Variants in SORD observed in about 807,000 individuals in gnomAD.
SORD encodes the protein (R,R)-butanediol dehydrogenase.
SORD carries 18 observed loss-of-function variants against 35.6 expected under a neutral mutation model. The ratio of observed to expected loss-of-function variants is 0.51; its 90% CI spans 0.35 to 0.75. The LOEUF (loss-of-function observed/expected upper bound fraction) is 0.75, where lower values mean the gene tolerates loss of function less well. SORD is among the 30% of genes least tolerant of loss of function. The pLI is 0.01. For synonymous variants in SORD, 106 were observed against 152.9 expected (o/e 0.69, Z 2.26); for missense variants, 250 against 390.2 (o/e 0.64, Z 3.03).
chr15:45,063,528 T>C (rs1328236415), intron 4 of SORD, among the ~76,000 whole-genome samples: 1 of 152,080 alleles, frequency 6.6e-6, no homozygotes, highest in Non-Finnish European at 1.5e-5. Context: ...TCCTTGTACA[T>C]GCTTCTGCCT....
intron 2 of SORD, among the ~76,000 whole-genome samples, chr15:45,041,204 G>A (rs1892960470): frequency 1.3e-5 from 2 of 152,146 alleles, no homozygotes; most frequent in South Asian, 4.1e-4. Context: ...GTCTGCACAT[G>A]GCAGGTGCTG....
At chr15:45,030,604 T>C (rs1170951931) in intron 1 of SORD, among the ~76,000 whole-genome samples, 1 of 152,274 alleles carries the variant, frequency 6.6e-6, no homozygotes, top group African/African-American at 2.4e-5. Flanking sequence ...GACTAGAGCA[T>C]CTGACAAAGC....
chr15:45,027,912 C>A (rs1892703548), intron 1 of SORD, among the ~76,000 whole-genome samples: 1 of 152,238 alleles, frequency 6.6e-6, no homozygotes, highest in African/African-American at 2.4e-5. Context: ...CAGGCATGTG[C>A]TGGGAACTTT....
chr15:45,035,733 A>G (rs1260810274), intron 1 of SORD, among the ~76,000 whole-genome samples: 1 of 152,132 alleles, frequency 6.6e-6, no homozygotes, highest in Non-Finnish European at 1.5e-5. Flanking sequence ...TGTAACACTC[A>G]CCGTGAAGGT....
intron 1 of SORD, among the ~76,000 whole-genome samples, chr15:45,037,545 A>G (rs1260449005): frequency 6.6e-6 from 1 of 152,200 alleles, no homozygotes; most frequent in African/African-American, 2.4e-5. Flanking sequence ...GTGCTCTCCC[A>G]TGTTTGAAAT....
At chr15:45,026,283 G>C (rs1366845835) in intron 1 of SORD, among the ~76,000 whole-genome samples, 1 of 152,188 alleles carries the variant, frequency 6.6e-6, no homozygotes, top group Non-Finnish European at 1.5e-5. Flanking sequence ...GAACAATCCT[G>C]GGGAAGCTTT....
At chr15:45,060,472 C>T (rs1308179509) in intron 3 of SORD, among the ~76,000 whole-genome samples, 1 of 152,178 alleles carries the variant, frequency 6.6e-6, no homozygotes, top group Admixed American at 6.5e-5. Flanking sequence ...GTATTACTCT[C>T]TACTGTACCA....
intron 3 of SORD, among the ~76,000 whole-genome samples, chr15:45,058,248 A>G (rs1396405334): frequency 6.6e-6 from 1 of 152,184 alleles, no homozygotes; most frequent in Non-Finnish European, 1.5e-5. Flanking sequence ...TGTAGCCTCA[A>G]CCAGAAACCT....
intron 3 of SORD, among the ~76,000 whole-genome samples, chr15:45,049,195 G>A (rs528127934): frequency 6.6e-6 from 1 of 152,248 alleles, no homozygotes; most frequent in East Asian, 1.9e-4. Context: ...TTTCACCAAG[G>A]ACCTGCCCTA....
intron 1 of SORD, among the ~76,000 whole-genome samples, chr15:45,030,528 A>T (rs934258820): frequency 6.6e-6 from 1 of 152,390 alleles, no homozygotes. Context: ...CAACAATTTT[A>T]AAAAACACAG....
intron 3 of SORD, among the ~76,000 whole-genome samples, chr15:45,050,126 A>T (rs1021879155): frequency 6.6e-6 from 1 of 152,146 alleles, no homozygotes; most frequent in Non-Finnish European, 1.5e-5. Context: ...ACTCTCGCCC[A>T]GGCTGGAGTG....
intron 5 of SORD, among the ~76,000 whole-genome samples, chr15:45,066,298 T>C (rs1893403855): frequency 6.6e-6 from 1 of 150,694 alleles, no homozygotes; most frequent in South Asian, 2.1e-4. Flanking sequence ...GAACCCTTGA[T>C]GGGAAACTAG....
chr15:45,061,249 G>T, intron 4 of SORD, 23 bp downstream of exon 4: 1 of 1,612,744 alleles, frequency 6.2e-7, no homozygotes, highest in Non-Finnish European at 8.5e-7. Flanking sequence ...AGTCCCACTG[G>T]GTCACCTGGG....
intron 1 of SORD, among the ~76,000 whole-genome samples, chr15:45,030,484 A>T (rs933681755): frequency 6.6e-6 from 1 of 152,254 alleles, no homozygotes; most frequent in African/African-American, 2.4e-5. Flanking sequence ...TACCAGGGAA[A>T]ATACATTCAA....
chr15:45,069,209 T>C (rs1451558905), intron 7 of SORD, among the ~76,000 whole-genome samples, 157 bp downstream of exon 7: 2 of 131,116 alleles, frequency 1.5e-5, no homozygotes, highest in African/African-American at 2.8e-5. Context: ...TTTTTTTTTT[T>C]TTTTTTTTTT....
chr15:45,033,044 G>A (rs1464421873), intron 1 of SORD, among the ~76,000 whole-genome samples: 6 of 151,972 alleles, frequency 3.9e-5, no homozygotes, highest in African/African-American at 9.7e-5. Context: ...TCCCCCACCC[G>A]AAGACAGTGG....
chr15:45,062,417 C>T (rs1335624324), intron 4 of SORD, among the ~76,000 whole-genome samples: 3 of 152,330 alleles, frequency 2.0e-5, no homozygotes, highest in African/African-American at 4.8e-5. Context: ...GCCGAAGTGC[C>T]GCTTTCCCCC....
chr15:45,028,669 C>T (rs370576864), intron 1 of SORD, among the ~76,000 whole-genome samples: 31,176 of 150,652 alleles, frequency 0.21, no homozygotes, highest in African/African-American at 0.44. Context: ...AATATATTGG[C>T]ATCAAGTTTA....
chr15:45,030,215 G>A (rs72722070), intron 1 of SORD, among the ~76,000 whole-genome samples: 31,168 of 150,636 alleles, frequency 0.21, no homozygotes, highest in African/African-American at 0.44. Context: ...ACCTCCTTTT[G>A]CTATCAAAAG....
Sources: allele counts gnomAD v4.1 joint callset (sites outside exome capture counted in the v4.1 genomes callset), GRCh38; gene constraint gnomAD v4.1.1; transcripts MANE v1.5; gene names NCBI Gene and HGNC (gene_info 2026-07-23, HGNC 2026-07-21).